HEPH: variants seen among roughly 807,000 people sequenced by gnomAD.
The protein encoded by HEPH is hephaestin.
In HEPH, 69 loss-of-function variants were observed where a neutral mutation model predicts 80.8. The ratio of observed to expected loss-of-function variants is 0.85; its 90% CI spans 0.70 to 1.04. The LOEUF (loss-of-function observed/expected upper bound fraction) is 1.04, where lower values mean the gene tolerates loss of function less well. HEPH is among the 50% of genes least tolerant of loss of function. The pLI, the probability that HEPH is intolerant of heterozygous loss-of-function variation, is 0.00. For synonymous variants in HEPH, 431 were observed against 322.8 expected (o/e 1.34, Z -3.60); for missense variants, 1,115 against 891.3 (o/e 1.25, Z -3.20).
intron 15 of HEPH, among the ~76,000 whole-genome samples, chrX:66,226,072 G>A (rs1204563367): frequency 1.8e-5 from 2 of 111,416 alleles, no homozygotes; most frequent in Non-Finnish European, 3.8e-5. Context: ...CTGGTAATTA[G>A]AATGGAACAG....
chrX:66,216,888 C>T (rs755652096), intron 15 of HEPH, among the ~76,000 whole-genome samples: 1 of 111,263 alleles, frequency 9.0e-6, no homozygotes, highest in African/African-American at 3.3e-5. Flanking sequence ...TATGGTATGA[C>T]AAAATGCACT....
chrX:66,265,897 G>T (rs1292105943), intron 20 of HEPH, among the ~76,000 whole-genome samples: 1 of 111,790 alleles, frequency 8.9e-6, no homozygotes, highest in Non-Finnish European at 1.9e-5. Flanking sequence ...TCAAAAGTGT[G>T]TATGCCAAGA....
At chrX:66,206,690 T>A (rs2088798693) in intron 13 of HEPH, among the ~76,000 whole-genome samples, 1 of 109,972 alleles carries the variant, frequency 9.1e-6, no homozygotes, top group Non-Finnish European at 1.9e-5. Context: ...TAATTGTGGT[T>A]ATGCAGCCAA....
intron 15 of HEPH, among the ~76,000 whole-genome samples, chrX:66,214,832 A>G (rs2089317274): frequency 9.0e-6 from 1 of 111,089 alleles, no homozygotes; most frequent in Non-Finnish European, 1.9e-5. Context: ...TCAGTCTCCA[A>G]TCTATTCTGT....
chrX:66,186,468 A>T (rs1283028303), intron 4 of HEPH, among the ~76,000 whole-genome samples: 2 of 112,209 alleles, frequency 1.8e-5, no homozygotes, highest in East Asian at 5.6e-4. Flanking sequence ...CCGATTTTCC[A>T]GGTGCGTCCA....
downstream of HEPH, chrX:66,267,691 A>G (rs1379838973): frequency 9.0e-6 from 1 of 111,628 alleles, no homozygotes; most frequent in Admixed American, 9.5e-5. Flanking sequence ...GGGAAGTAGG[A>G]CCATATCTTA....
chrX:66,206,158 C>T (rs2088761155), intron 13 of HEPH, among the ~76,000 whole-genome samples: 1 of 110,007 alleles, frequency 9.1e-6, no homozygotes, highest in South Asian at 3.9e-4. Flanking sequence ...CCTCTGGTTG[C>T]AGCAGTAGTT....
intron 15 of HEPH, among the ~76,000 whole-genome samples, chrX:66,221,000 T>C (rs962313803): frequency 8.9e-6 from 1 of 111,837 alleles, no homozygotes; most frequent in Non-Finnish European, 1.9e-5. Flanking sequence ...ATGTATACAC[T>C]GGGAACAGTC....
chrX:66,175,876 C>A (rs2086782498), intron 4 of HEPH, among the ~76,000 whole-genome samples: 1 of 111,927 alleles, frequency 8.9e-6, no homozygotes, highest in South Asian at 3.7e-4. Context: ...TATCCAGAAA[C>A]TTTACTGAAT....
intron 20 of HEPH, 61 bp from the exon 21 acceptor site, chrX:66,266,379 A>G: frequency 5.6e-6 from 5 of 891,638 alleles, no homozygotes; most frequent in Admixed American, 4.9e-5. Flanking sequence ...ATGACTATAG[A>G]TAGTTACCTT....
intron 19 of HEPH, among the ~76,000 whole-genome samples, chrX:66,261,687 G>T (rs1030611317): frequency 9.0e-6 from 1 of 111,525 alleles, no homozygotes; most frequent in Admixed American, 9.5e-5. Flanking sequence ...CTTAGCAAAT[G>T]TGGGTGGAGA....
chrX:66,213,915 A>G (rs779383120), intron 15 of HEPH, among the ~76,000 whole-genome samples: 1 of 112,511 alleles, frequency 8.9e-6, no homozygotes, highest in East Asian at 2.8e-4. Flanking sequence ...CATCAGCTTC[A>G]GACAAGAAAG....
chrX:66,186,601 T>A (rs1015203799), intron 4 of HEPH, among the ~76,000 whole-genome samples: 8 of 112,310 alleles, frequency 7.1e-5, no homozygotes, highest in African/African-American at 2.6e-4. Context: ...GCCCACTGTC[T>A]GGCACTCCCT....
intron 19 of HEPH, 150 bp from the exon 20 acceptor site, chrX:66,263,494 C>A: frequency 1.9e-6 from 1 of 519,551 alleles, no homozygotes. Flanking sequence ...CCAATATTGA[C>A]TTGGACTATA....
intron 9 of HEPH, among the ~76,000 whole-genome samples, chrX:66,197,436 A>AC (rs2147763208): frequency 9.0e-6 from 1 of 111,153 alleles, no homozygotes; most frequent in Admixed American, 9.6e-5. Context: ...AAGTCCTATG[A>AC]TTTTGGAAAA....
intron 20 of HEPH, 40 bp downstream of exon 20, chrX:66,263,728 T>C: frequency 8.6e-7 from 1 of 1,156,711 alleles, no homozygotes; most frequent in East Asian, 3.0e-5. Flanking sequence ...TTATACATAG[T>C]GTGTCTGTGT....
chrX:66,200,330 C>A, intron 11 of HEPH: 2 of 404,621 alleles, frequency 4.9e-6, no homozygotes, highest in Non-Finnish European at 8.6e-6. Context: ...GGAGGTGAGG[C>A]CAGAAAGGAC....
At chrX:66,199,345 T>G (rs2088289135) in intron 11 of HEPH, among the ~76,000 whole-genome samples, 1 of 104,148 alleles carries the variant, frequency 9.6e-6, no homozygotes, top group Admixed American at 1.0e-4. Context: ...CTTCCTTATA[T>G]TTTAGTACCT....
chrX:66,186,915 C>G (rs780044861), intron 4 of HEPH, among the ~76,000 whole-genome samples: 8 of 111,065 alleles, frequency 7.2e-5, no homozygotes, highest in Non-Finnish European at 1.3e-4. Context: ...GGGCTTTGTT[C>G]ATTTTTTCTT....
Sources: allele counts gnomAD v4.1 joint callset (sites outside exome capture counted in the v4.1 genomes callset), GRCh38; gene constraint gnomAD v4.1.1; transcripts MANE v1.5; gene names NCBI Gene and HGNC (gene_info 2026-07-23, HGNC 2026-07-21).